SPTBN4: variants seen among roughly 807,000 people sequenced by gnomAD.
The protein encoded by SPTBN4 is spectrin beta chain, non-erythrocytic 4.
SPTBN4 carries 96 observed loss-of-function variants against 277.8 expected under a neutral mutation model. The ratio of observed to expected loss-of-function variants is 0.35; its 90% confidence interval spans 0.29 to 0.41. The LOEUF (loss-of-function observed/expected upper bound fraction) is 0.41. Among genes scored for constraint, SPTBN4 ranks in the 10% least tolerant of loss-of-function variants. The pLI, the probability that SPTBN4 is intolerant of heterozygous loss-of-function variation, is 1.00. For synonymous variants in SPTBN4, 1,481 were observed against 1,580.3 expected (o/e 0.94, Z 1.49); for missense variants, 3,006 against 3,595.7 (o/e 0.84, Z 4.19).
chr19:40,575,686 G>C lies in SPTBN4; in HGVS notation c.*117G>C. On this transcript the variant is annotated 3_prime_UTR_variant, in exon 36 of 36. Transcript: ENST00000598249. ...CCTAGTTCCAACACTGAGGACGCGT[G>C]ACATGGTGGGCACCGGAAAGGAGGG... The C allele has an allele frequency of 1.5e-6, 2 of 1,290,472 alleles. No individual in the cohort carries two copies. Among genetic ancestry groups the C allele is most frequent in the Non-Finnish European group, 1.0e-6 (1 of 967,490 alleles). 79.9% of individuals were successfully genotyped at this position (1,290,472 alleles called of 1,614,324 possible).
intron 27 of SPTBN4, among the ~76,000 whole-genome samples, chr19:40,561,609 C>T (rs2081043083): frequency 6.6e-6 from 1 of 151,892 alleles, no homozygotes; most frequent in African/African-American, 2.4e-5. Flanking sequence ...ATCACCTGAG[C>T]TCAGGAGTTT....
Position 40,502,746 on chromosome 19 carries a change from G to C in SPTBN4, c.1204-29G>C. 6.2e-7 allele frequency: 1 copy of C among 1,610,700 alleles called. No homozygotes were observed. The highest frequency in any genetic ancestry group is 8.5e-7 in the Non-Finnish European group (1 of 1,178,222). On this transcript the variant is annotated intron_variant, in intron 10 of 35. Transcript: ENST00000598249. This position sits in a 1 kb window ranked among gnomAD's most constrained non-coding sequence, Gnocchi z 4.9. ...CATTAAACTGTGGGGAGCTGTCAGA[G>C]TCTGAGTGCCTCCTCCCATCTCCTG...
chr19:40,523,393 A>G, intron 16 of SPTBN4, 44 bp from the exon 17 acceptor site: 1 of 1,540,564 alleles, frequency 6.5e-7, no homozygotes, highest in Non-Finnish European at 8.8e-7. Flanking sequence ...CAGGTCCTGG[A>G]ATGGAATGAG....
chr19:40,487,637 T>C, intron 2 of SPTBN4, 60 bp from the exon 3 acceptor site: 1 of 1,558,112 alleles, frequency 6.4e-7, no homozygotes, highest in Non-Finnish European at 8.7e-7. Flanking sequence ...CAGGCTTGGC[T>C]CGCGGAGGGC....
chr19:40,473,702 T>C (rs1223185934), intron 2 of SPTBN4, among the ~76,000 whole-genome samples: 1 of 152,034 alleles, frequency 6.6e-6, no homozygotes, highest in Non-Finnish European at 1.5e-5. Context: ...GTGACTGCTG[T>C]ATAGGTCAGC....
chr19:40,504,441 C>T (rs1278078831), intron 12 of SPTBN4, among the ~76,000 whole-genome samples: 4 of 152,026 alleles, frequency 2.6e-5, no homozygotes, highest in African/African-American at 9.7e-5. Context: ...CCAAGGAGGG[C>T]AGATCACTTG....
intron 12 of SPTBN4, among the ~76,000 whole-genome samples, chr19:40,505,962 G>A (rs559165425): frequency 1.4e-4 from 21 of 152,306 alleles, no homozygotes; most frequent in South Asian, 6.2e-4. Flanking sequence ...TTCAGAGAGA[G>A]ACTGGTAGAG....
chr19:40,480,273 A>G (rs1402625304), intron 2 of SPTBN4, among the ~76,000 whole-genome samples: 2 of 145,140 alleles, frequency 1.4e-5, no homozygotes, highest in Non-Finnish European at 3.0e-5. Context: ...AAAAAAAATT[A>G]GCTGGGTGTG....
chr19:40,520,827 T>C (rs1177796638), intron 16 of SPTBN4, among the ~76,000 whole-genome samples: 3 of 152,114 alleles, frequency 2.0e-5, no homozygotes, highest in African/African-American at 7.2e-5. Context: ...TTTCAGATTG[T>C]CCAGTGTTTG....
Position 40,512,824 on chromosome 19 carries a change from G to A in SPTBN4, c.2035G>A (p.Ala679Thr), listed in dbSNP as rs367970226. 7 of 1,449,760 alleles carry A rather than the reference G, an allele frequency of 4.8e-6. No homozygotes were observed. Among genetic ancestry groups the A allele is most frequent in the East Asian group, 5.7e-5 (2 of 35,340 alleles). 89.8% of individuals were successfully genotyped at this position (1,449,760 alleles called of 1,614,324 possible). Residue 679 changes from alanine (A) to threonine (T), a missense_variant, in exon 14 of 36, where the codon GCG (alanine) becomes ACG (threonine). Around this residue, in one of 5 missense-constraint regions of SPTBN4, gnomAD observed 1,759 missense variants for 2,061.5 expected, o/e 0.85. Transcript: ENST00000598249. ...AAGGGGAAGA[A>T]GAAGTAGGAH... ...GGGCGGCGGCGGTGCGGCGGGCGCA[G>A]CGGGCGCAGCGGGAACAGCGGGCGG...
intron 11 of SPTBN4, among the ~76,000 whole-genome samples, chr19:40,503,268 C>G (rs2080284355): frequency 6.6e-6 from 1 of 151,898 alleles, no homozygotes; most frequent in Admixed American, 6.6e-5. Context: ...GAATTGGTTT[C>G]CTAAGTAACA....
At chr19:40,531,102 T>C (rs1271886281) in intron 18 of SPTBN4, among the ~76,000 whole-genome samples, 1 of 151,932 alleles carries the variant, frequency 6.6e-6, no homozygotes, top group Non-Finnish European at 1.5e-5. Context: ...GCTCTGACTT[T>C]GTGGGGCTTT....
At chr19:40,516,060 C>T (rs1568798831) in intron 15 of SPTBN4, among the ~76,000 whole-genome samples, 1 of 133,948 alleles carries the variant, frequency 7.5e-6, no homozygotes, top group East Asian at 2.1e-4. Flanking sequence ...TATATACACA[C>T]TATATATATG....
At chr19:40,525,560 C>T (rs1305045070) in intron 17 of SPTBN4, among the ~76,000 whole-genome samples, 2 of 152,122 alleles carry the variant, frequency 1.3e-5, no homozygotes, top group African/African-American at 4.8e-5. Flanking sequence ...GGGGACTGTT[C>T]ATTCCATGAT....
intron 3 of SPTBN4, among the ~76,000 whole-genome samples, chr19:40,488,454 T>C (rs1176657329): frequency 1.3e-5 from 2 of 151,994 alleles, no homozygotes; most frequent in African/African-American, 4.8e-5. Context: ...GTTAAAGGAC[T>C]GGAGCCTGGA....
intron 30 of SPTBN4, 101 bp from the exon 31 acceptor site, chr19:40,567,562 T>TG (rs1041332664): frequency 8.2e-7 from 1 of 1,218,964 alleles, no homozygotes. Flanking sequence ...ACTGGTCAAT[T>TG]GAGTGATGAG....
At chr19:40,478,841 G>T (rs1385109114) in intron 2 of SPTBN4, among the ~76,000 whole-genome samples, 1 of 152,094 alleles carries the variant, frequency 6.6e-6, no homozygotes, top group Non-Finnish European at 1.5e-5. Context: ...GCCACGCCCG[G>T]CCTGTATGAC....
chr19:40,561,053 G>T (rs995243745), intron 27 of SPTBN4, among the ~76,000 whole-genome samples: 2 of 152,168 alleles, frequency 1.3e-5, no homozygotes, highest in Admixed American at 1.3e-4. Context: ...TTGCTCTGTT[G>T]CCCAGGCTGG....
chr19:40,512,553 G>A, intron 13 of SPTBN4, 53 bp from the exon 14 acceptor site: 1 of 1,462,520 alleles, frequency 6.8e-7, no homozygotes, highest in Non-Finnish European at 9.0e-7. Context: ...ATCCTCTCTT[G>A]GGCGCCCCTT....
Sources: allele counts gnomAD v4.1 joint callset (sites outside exome capture counted in the v4.1 genomes callset), GRCh38; gene constraint gnomAD v4.1.1; regional missense constraint gnomAD v4.1.1; non-coding constraint Gnocchi (gnomAD v3.1); transcripts MANE v1.5; gene names NCBI Gene and HGNC (gene_info 2026-07-23, HGNC 2026-07-21).